Variants in DLG5 observed in about 807,000 individuals in gnomAD.
The protein encoded by DLG5 is discs large MAGUK scaffold protein 5, also known as disks large homolog 5.
In DLG5, 48 loss-of-function variants were observed where a neutral mutation model predicts 189.8. That is an observed-to-expected ratio of 0.25 (90% CI 0.20 to 0.32). The LOEUF is 0.32. Ranked by LOEUF, DLG5 falls within the 10% of genes least tolerant of loss-of-function variation. The pLI, the probability that DLG5 is intolerant of heterozygous loss-of-function variation, is 1.00. For synonymous variants in DLG5, 1,016 were observed against 1,054.1 expected (o/e 0.96, Z 0.70); for missense variants, 2,160 against 2,544.7 (o/e 0.85, Z 3.25).
At chr10:77,873,409 G>C (rs1286203606) in intron 1 of DLG5, among the ~76,000 whole-genome samples, 1 of 152,108 alleles carries the variant, frequency 6.6e-6, no homozygotes, top group Non-Finnish European at 1.5e-5. Flanking sequence ...GAAGCCACTG[G>C]GAGGAAGCCA....
chr10:77,926,353 C>T lies in DLG5; in HGVS notation c.168G>A (p.Leu56=). 6.2e-7 allele frequency: 1 copy of T among 1,602,558 alleles called. No individual in the cohort carries two copies. Residue 56 remains leucine, a synonymous_variant, in exon 1 of 32, where the codon CTG becomes CTA. Coordinates refer to ENST00000372391, the MANE Select transcript of DLG5 (RefSeq NM_004747.4). The surrounding 1 kb of genome is among the most constrained non-coding windows in gnomAD (Gnocchi z 5.2). ...GCTCCTTGGCCAAGAGCAGCTTGAG[C>T]AGCAGCTCCGCCTTGGCGCCTCCCG... ...EEAGGAKAEL[L]LKLLLAKERD...
chr10:77,919,234 A>G (rs1359468429), intron 1 of DLG5, among the ~76,000 whole-genome samples: 3 of 152,162 alleles, frequency 2.0e-5, no homozygotes, highest in African/African-American at 7.2e-5. Flanking sequence ...CAAACAAAAA[A>G]AAAACTGAAA....
rs199678400 is a variant in DLG5, at chr10:77,841,890, C to T, written c.1428G>A (p.Ala476=). The part of the protein sequence containing the change: ...EKKAANEEME[A]LRQIKDTVTM... ...CGGCCCACCCACCTACCTGCCGCAGCGCCTCCATCTCCTCATTGGCCGCCT... is the reference window on the plus strand; with the variant it reads ...CGGCCCACCCACCTACCTGCCGCAGTGCCTCCATCTCCTCATTGGCCGCCT... Residue 476 remains alanine (A), a synonymous_variant, in exon 7 of 32, where the codon GCG becomes GCA. Coordinates refer to ENST00000372391, the MANE Select transcript of DLG5 (RefSeq NM_004747.4). The T allele has an allele frequency of 7.7e-5, 124 of 1,606,552 alleles. No homozygotes were observed. In the African/African-American group the frequency reaches 1.1e-3, roughly 14 times the overall value.
At chr10:77,899,963 C>T (rs1013724655) in intron 1 of DLG5, among the ~76,000 whole-genome samples, 4 of 152,194 alleles carry the variant, frequency 2.6e-5, no homozygotes, top group African/African-American at 2.4e-5. Context: ...CAACCTTCTA[C>T]GGCTCCCTCT....
At chr10:77,912,116 C>T (rs542068986) in intron 1 of DLG5, among the ~76,000 whole-genome samples, 3 of 148,714 alleles carry the variant, frequency 2.0e-5, no homozygotes, top group Non-Finnish European at 4.4e-5. Flanking sequence ...GCAGGAGGAT[C>T]GCCTGAGCCC....
In DLG5 at chr10:77,796,033, C is replaced by G; in HGVS notation, c.5436+28G>C. ...GCACAGGAGGTCTAATACTGGATGC[C>G]TAATCCTCAGACTGAAGCCCTGGGT... On this transcript the variant is annotated intron_variant, in intron 29 of 31. Transcript: ENST00000372391. The surrounding 1 kb of genome is among the most constrained non-coding windows in gnomAD (Gnocchi z 5.2). 1 of 1,614,090 alleles carries G rather than the reference C, an allele frequency of 6.2e-7. No individual in the cohort carries two copies. Among genetic ancestry groups the G allele is most frequent in the Non-Finnish European group, 8.5e-7 (1 of 1,180,008 alleles).
intron 3 of DLG5, among the ~76,000 whole-genome samples, chr10:77,856,182 A>G (rs1782378785): frequency 6.6e-6 from 1 of 151,822 alleles, no homozygotes; most frequent in Non-Finnish European, 1.5e-5. Flanking sequence ...CTGCTGCTAC[A>G]AAAAAATTAA....
chr10:77,889,876 G>C (rs1845555286), intron 1 of DLG5, among the ~76,000 whole-genome samples: 2 of 152,116 alleles, frequency 1.3e-5, no homozygotes, highest in Non-Finnish European at 2.9e-5. Context: ...TGGTACGGTG[G>C]ACACAATGAT....
At chr10:77,892,732 G>A (rs1299266582) in intron 1 of DLG5, among the ~76,000 whole-genome samples, 6 of 152,182 alleles carry the variant, frequency 3.9e-5, no homozygotes, top group African/African-American at 1.4e-4. Flanking sequence ...CAGGCAGCCA[G>A]GAGACACCCA....
rs755044773 is a variant in DLG5, at chr10:77,809,677, T to C, written c.4517A>G (p.Lys1506Arg). 1.1e-5 allele frequency: 17 copies of C among 1,614,176 alleles called. No individual in the cohort carries two copies. The highest frequency in any genetic ancestry group is 4.5e-5 in the East Asian group (2 of 44,886). ...CACCCCAAGCTCCAGCTGGGACTTT[T>C]TGATGAAGACAACGCGTGGCTCCAG... is the stretch of plus-strand genomic sequence containing the variant. Reference protein sequence around the residue: ...KTLEPRVVFIKKSQLELGVHL... With the variant: ...KTLEPRVVFIRKSQLELGVHL... The change falls in exon 24 of 32, where the codon AAA becomes AGA. Residue 1506 changes from lysine (K) to arginine (R), a missense_variant. Physicochemically the swap from Lys to Arg is conservative, Grantham distance 26 (BLOSUM62 2). Around this residue, in one of 5 missense-constraint regions of DLG5, gnomAD observed 574 missense variants for 644.2 expected, o/e 0.89. Coordinates refer to ENST00000372391, the MANE Select transcript of DLG5 (RefSeq NM_004747.4).
chr10:77,937,715 C>CTTTTTTTTT, the DLG5 span, among the ~76,000 whole-genome samples: 1 of 101,320 alleles, frequency 9.9e-6, no homozygotes, highest in African/African-American at 3.7e-5. Context: ...ACATTTTATA[C>CTTTTTTTTT]TTTTTTTTTT....
chr10:77,792,580 GAGT>G lies in DLG5; in HGVS notation c.5657-40_5657-38del, dbSNP rs1840692776. ...CCCCCCAGACACGTCATTCAGCTCA[GAGT>G]AAGACCCCAGGTTTGAGGCAAGGCA... On this transcript the variant is annotated intron_variant, in intron 31 of 31. Transcript: ENST00000372391. 1.9e-6 allele frequency: 3 copies of G among 1,599,816 alleles called. No individual in the cohort carries two copies. In the African/African-American group the frequency reaches 4.0e-5, roughly 21 times the overall value.
chr10:77,929,615 CAG>C (rs1846768044), upstream of DLG5: 1 of 152,140 alleles, frequency 6.6e-6, no homozygotes, highest in African/African-American at 2.4e-5. Context: ...TGCAGAGACA[CAG>C]AGAAAATGCC....
chr10:77,905,107 C>T (rs943175885), intron 1 of DLG5, among the ~76,000 whole-genome samples: 10 of 143,092 alleles, frequency 7.0e-5, no homozygotes, highest in African/African-American at 1.3e-4. Flanking sequence ...CTAGCCTGGG[C>T]GACAAGAGCG....
intron 1 of DLG5, among the ~76,000 whole-genome samples, chr10:77,910,970 C>T (rs1216443085): frequency 2.6e-5 from 3 of 114,982 alleles, no homozygotes; most frequent in Non-Finnish European, 3.3e-5. Context: ...TGTGACAGAG[C>T]GAGATTCTGT....
Position 77,811,988 on chromosome 10 carries a change from T to C in DLG5, c.4258A>G (p.Thr1420Ala), listed in dbSNP as rs201247798. The C allele has an allele frequency of 2.7e-5, 44 of 1,610,754 alleles. No individual in the cohort carries two copies. The highest frequency in any genetic ancestry group is 2.0e-4 in the Admixed American group (12 of 60,008). Reference sequence around the variant, plus strand: ...TTGTACTGGGCCAGGATGGTGATGGTATCACACTGCTGCCCGATGATGAGC... The same window carrying C: ...TTGTACTGGGCCAGGATGGTGATGGCATCACACTGCTGCCCGATGATGAGC... ...ARLIIGQQCD[T>A]ITILAQYNPH... The change falls in exon 22 of 32, where the codon ACC becomes GCC. Residue 1420 changes from threonine (T) to alanine (A), a missense_variant. Around this residue, in one of 5 missense-constraint regions of DLG5, gnomAD observed 61 missense variants for 101.0 expected, o/e 0.60. Coordinates refer to ENST00000372391, the MANE Select transcript of DLG5 (RefSeq NM_004747.4).
intron 2 of DLG5, 112 bp downstream of exon 2, chr10:77,869,017 G>T: frequency 2.4e-6 from 2 of 835,260 alleles, no homozygotes; most frequent in Non-Finnish European, 3.9e-6. Context: ...GGATGATCCT[G>T]TGAGTAATCT....
At chr10:77,895,023 G>A (rs1285753606) in intron 1 of DLG5, among the ~76,000 whole-genome samples, 2 of 152,188 alleles carry the variant, frequency 1.3e-5, no homozygotes, top group Non-Finnish European at 2.9e-5. Flanking sequence ...ACAACCTTAT[G>A]AGAGGTGGAC....
At chr10:77,830,112 A>G in intron 11 of DLG5, 105 bp downstream of exon 11, 5 of 1,452,156 alleles carry the variant, frequency 3.4e-6, no homozygotes, top group Non-Finnish European at 4.7e-6. Context: ...GTGTGAGTCT[A>G]AGGCTGGGAA....
Sources: gnomAD v4.1 joint callset for allele counts (sites outside exome capture counted in the v4.1 genomes callset) on GRCh38, gnomAD v4.1.1 for gene constraint, gnomAD v4.1.1 regional missense constraint, Gnocchi (gnomAD v3.1) non-coding constraint, MANE v1.5 for transcripts, NCBI Gene and HGNC (gene_info 2026-07-23, HGNC 2026-07-21) for gene names.